Variants in CNKSR3 observed in about 807,000 individuals in gnomAD.
The protein encoded by CNKSR3 is connector enhancer of kinase suppressor of ras 3.
CNKSR3 carries 36 observed loss-of-function variants against 67.7 expected under a neutral mutation model. The observed-to-expected ratio is 0.53, with a 90% CI of 0.41 to 0.70. CNKSR3 has a LOEUF of 0.70. CNKSR3 is among the 30% of genes least tolerant of loss of function. CNKSR3 has a pLI of 0.00. For missense variants in CNKSR3, 630 were observed against 695.2 expected (o/e 0.91, Z 1.05); for synonymous variants, 281 against 271.4 (o/e 1.04, Z -0.35).
intron 1 of CNKSR3, among the ~76,000 whole-genome samples, chr6:154,462,101 C>T (rs1003702889): frequency 1.3e-5 from 2 of 152,210 alleles, no homozygotes; most frequent in Non-Finnish European, 2.9e-5. Context: ...ATATACCATA[C>T]AATTCGCCTA....
intron 1 of CNKSR3, among the ~76,000 whole-genome samples, chr6:154,483,041 T>C (rs141962613): frequency 2.4e-4 from 37 of 152,342 alleles, no homozygotes; most frequent in Admixed American, 1.7e-3. Flanking sequence ...CAGTTCTGTC[T>C]GGTTCCAGAA....
chr6:154,407,428 G>A (rs9479837), intron 12 of CNKSR3, among the ~76,000 whole-genome samples: 4,629 of 152,274 alleles, frequency 0.03, 97 homozygotes, highest in Middle Eastern at 0.099. Flanking sequence ...GCATCCTTGT[G>A]AAGCGGAAAT....
intron 4 of CNKSR3, among the ~76,000 whole-genome samples, chr6:154,437,120 C>T (rs947975359): frequency 3.3e-4 from 50 of 152,086 alleles, no homozygotes; most frequent in Admixed American, 2.0e-4. Flanking sequence ...AAGGCTCAGA[C>T]AGAACATGTT....
At chr6:154,468,678 A>G (rs368603239) in intron 1 of CNKSR3, among the ~76,000 whole-genome samples, 1 of 152,088 alleles carries the variant, frequency 6.6e-6, no homozygotes, top group Non-Finnish European at 1.5e-5. Flanking sequence ...TTAGTAAATA[A>G]CTACTGAATG....
At chr6:154,422,020 TCTCA>T in intron 9 of CNKSR3, among the ~76,000 whole-genome samples, 1 of 145,024 alleles carries the variant, frequency 6.9e-6, no homozygotes, top group Non-Finnish European at 1.5e-5. Context: ...GAGAATAGAG[TCTCA>T]CTCTGTCGTC....
At chr6:154,494,148 C>A (rs144620501) in intron 1 of CNKSR3, among the ~76,000 whole-genome samples, 726 of 152,072 alleles carry the variant, frequency 4.8e-3, no homozygotes, top group Non-Finnish European at 7.8e-3. Flanking sequence ...AATTGATTCG[C>A]AGTTCCACAT....
intron 1 of CNKSR3, among the ~76,000 whole-genome samples, chr6:154,473,948 C>T (rs1786386307): frequency 6.6e-6 from 1 of 151,770 alleles, no homozygotes; most frequent in African/African-American, 2.4e-5. Context: ...CCACACCCAA[C>T]TAATTTTTGT....
rs1179334913 is a variant in CNKSR3 at position 154,405,448 on chromosome 6, T to C, written c.*906A>G. ...AAAATACCTGATGCTAGTTGAAAAT[T>C]AGTGACCATGAGGCTTTCCAAGATA... is the stretch of plus-strand genomic sequence containing the variant. On this transcript the variant is annotated 3_prime_UTR_variant, in exon 13 of 13. Transcript: ENST00000607772. 6.6e-6 allele frequency: 1 copy of C among 152,596 alleles called. No individual in the cohort carries two copies. Among genetic ancestry groups the C allele is most frequent in the African/African-American group, 2.4e-5 (1 of 41,450 alleles). The allele number at this position is 152,596 out of a possible 1,614,324, so 9.5% of individuals were successfully genotyped here. A position where few individuals can be genotyped will look rare whatever the true frequency, so the allele number is the denominator to read the frequency against.
rs1378255336 is a variant in CNKSR3 at position 154,405,515 on chromosome 6, A to G, written c.*839T>C. The G allele has an allele frequency of 1.3e-5, 2 of 152,310 alleles. No individual in the cohort carries two copies. The highest frequency in any genetic ancestry group is 2.9e-5 in the Non-Finnish European group (2 of 68,040). The allele number at this position is 152,310 out of a possible 1,614,324, so 9.4% of individuals were successfully genotyped here. Reference sequence around the variant, plus strand: ...TGTGTACAATTTTGAAGAAGTGTACACACCGTGCTGGAAGACAGACACTGA... The same window carrying G: ...TGTGTACAATTTTGAAGAAGTGTACGCACCGTGCTGGAAGACAGACACTGA... On this transcript the variant is annotated 3_prime_UTR_variant, in exon 13 of 13. Transcript: ENST00000607772.
chr6:154,480,431 A>G (rs1786542315), intron 1 of CNKSR3, among the ~76,000 whole-genome samples: 1 of 152,162 alleles, frequency 6.6e-6, no homozygotes, highest in African/African-American at 2.4e-5. Context: ...CAGGTGGGGC[A>G]CCTGTTCTGG....
Position 154,393,448 on chromosome 6 carries a change from T to C in CNKSR3, c.*12906A>G, listed in dbSNP as rs981001192. Reference sequence around the variant, plus strand: ...TCCCTGCTCGCTAGTGAAAATCGCTTCACATGCATATGGACCATCTGATTC... The same window carrying C: ...TCCCTGCTCGCTAGTGAAAATCGCTCCACATGCATATGGACCATCTGATTC... On this transcript the variant is annotated 3_prime_UTR_variant, in exon 13 of 13. Transcript: ENST00000607772. 6.6e-6 allele frequency: 1 copy of C among 152,240 alleles called. No homozygotes were observed. Among genetic ancestry groups the C allele is most frequent in the African/African-American group, 2.4e-5 (1 of 41,464 alleles). 9.4% of individuals were successfully genotyped at this position (152,240 alleles called of 1,614,324 possible).
At chr6:154,407,678 C>G (rs1784824050) in intron 12 of CNKSR3, among the ~76,000 whole-genome samples, 1 of 151,996 alleles carries the variant, frequency 6.6e-6, no homozygotes, top group South Asian at 2.1e-4. Flanking sequence ...TCTCGAAATC[C>G]TGAGACCAAG....
In CNKSR3 at chr6:154,397,413, T is replaced by A. The variant is rs1266728575; in HGVS notation, c.*8941A>T. On this transcript the variant is annotated 3_prime_UTR_variant, in exon 13 of 13. Transcript: ENST00000607772. ...TTCTTCTCTAAAAGTAGGTTTCTGT[T>A]TTTTGGAGGGGATTTAATTGCTCAT... 3.9e-5 allele frequency: 6 copies of A among 152,236 alleles called. No individual in the cohort carries two copies. The highest frequency in any genetic ancestry group is 1.4e-4 in the African/African-American group (6 of 41,468). The allele number at this position is 152,236 out of a possible 1,614,324, so 9.4% of individuals were successfully genotyped here. A position where few individuals can be genotyped will look rare whatever the true frequency, so the allele number is the denominator to read the frequency against.
chr6:154,395,424 G>A lies in CNKSR3; in HGVS notation c.*10930C>T, dbSNP rs1784651251. On this transcript the variant is annotated 3_prime_UTR_variant, in exon 13 of 13. Coordinates refer to ENST00000607772, the MANE Select transcript of CNKSR3 (RefSeq NM_173515.4). Reference sequence around the variant, plus strand: ...TTTATTTTAATTTGTTTTCTTTGTTGAACTGCATCATAATTGAGTATCTCC... The same window carrying A: ...TTTATTTTAATTTGTTTTCTTTGTTAAACTGCATCATAATTGAGTATCTCC... 6.6e-6 allele frequency: 1 copy of A among 152,060 alleles called. No homozygotes were observed. Among genetic ancestry groups the A allele is most frequent in the Non-Finnish European group, 1.5e-5 (1 of 67,996 alleles). The allele number at this position is 152,060 out of a possible 1,614,324, so 9.4% of individuals were successfully genotyped here.
intron 1 of CNKSR3, among the ~76,000 whole-genome samples, chr6:154,488,442 A>T (rs556602096): frequency 6.6e-6 from 1 of 152,298 alleles, no homozygotes; most frequent in Admixed American, 6.5e-5. Context: ...AATTCATGAG[A>T]GCATGACTTT....
chr6:154,461,992 C>T (rs911145972), intron 1 of CNKSR3, among the ~76,000 whole-genome samples: 30 of 152,338 alleles, frequency 2.0e-4, no homozygotes, highest in African/African-American at 6.5e-4. Flanking sequence ...AGGGCCGAAA[C>T]GGCTGGGGAC....
chr6:154,466,786 A>AT (rs368521995), intron 1 of CNKSR3, among the ~76,000 whole-genome samples: 32,828 of 137,428 alleles, frequency 0.24, 3,989 homozygotes, highest in East Asian at 0.34. Context: ...CGCCCAGCTA[A>AT]TTTTTTTGTT....
intron 10 of CNKSR3, 127 bp downstream of exon 10, chr6:154,414,172 G>A (rs1784965670): frequency 7.1e-6 from 7 of 986,190 alleles, no homozygotes; most frequent in Non-Finnish European, 1.0e-5. Flanking sequence ...TTTAACGGCA[G>A]TTCAAGATTC....
intron 2 of CNKSR3, among the ~76,000 whole-genome samples, chr6:154,444,998 C>T (rs1444994674): frequency 2.6e-5 from 4 of 151,010 alleles, no homozygotes; most frequent in East Asian, 3.9e-4. Context: ...TAAATATACT[C>T]GGAAGTAGGT....
Sources: gnomAD v4.1 joint callset for allele counts (sites outside exome capture counted in the v4.1 genomes callset) on GRCh38, gnomAD v4.1.1 for gene constraint, MANE v1.5 for transcripts, NCBI Gene and HGNC (gene_info 2026-07-23, HGNC 2026-07-21) for gene names.